The following RTL4 variants were observed in gnomAD, a reference collection of about 807,000 sequenced individuals.
RTL4 encodes retrotransposon Gag-like protein 4.
In RTL4, 4 loss-of-function variants were observed where a neutral mutation model predicts 5.3. The ratio of observed to expected loss-of-function variants is 0.75; its 90% CI spans 0.37 to 1.72. The LOEUF is 1.72. Ranked by LOEUF, RTL4 falls within the 40% of genes most tolerant of loss-of-function variation. RTL4 has a pLI of 0.04. For synonymous variants in RTL4, 98 were observed against 87.3 expected (o/e 1.12, Z -0.68); for missense variants, 260 against 227.1 (o/e 1.14, Z -0.93).
chrX:112,327,138 G>A, the RTL4 span, among the ~76,000 whole-genome samples: 3 of 112,411 alleles, frequency 2.7e-5, no homozygotes, highest in East Asian at 2.8e-4. Context: ...CACCAGCAAC[G>A]GAACAAAGCT....
the RTL4 span, among the ~76,000 whole-genome samples, chrX:112,201,533 G>A: frequency 1.8e-5 from 2 of 110,305 alleles, no homozygotes; most frequent in Non-Finnish European, 3.8e-5. Context: ...CTTGAAATAT[G>A]TCAAGGACCT....
chrX:112,455,731 T>C, exon 1 of RTL4: 1 of 1,002,098 alleles, frequency 1.0e-6, no homozygotes, highest in Non-Finnish European at 1.3e-6. Context: ...GCATTAACTT[T>C]TAAAATACAG....
chrX:112,332,586 A>G, the RTL4 span, among the ~76,000 whole-genome samples: 1 of 107,399 alleles, frequency 9.3e-6, no homozygotes, highest in East Asian at 3.0e-4. Context: ...CAAGGACAAA[A>G]AACCAAACAT....
chrX:112,317,525 T>C, the RTL4 span, among the ~76,000 whole-genome samples: 1 of 111,303 alleles, frequency 9.0e-6, no homozygotes. Context: ...TTTTGAGTGT[T>C]TGTAGACCAT....
the RTL4 span, among the ~76,000 whole-genome samples, chrX:112,153,727 A>G: frequency 9.0e-6 from 1 of 111,688 alleles, no homozygotes. Context: ...ATATTTTTAC[A>G]CAAAAAATAG....
the RTL4 span, among the ~76,000 whole-genome samples, chrX:112,207,827 T>G: frequency 1.8e-5 from 2 of 110,669 alleles, no homozygotes; most frequent in African/African-American, 6.6e-5. Context: ...AAGCACAGCT[T>G]GAGCCACTGG....
At chrX:112,099,187 A>C in the RTL4 span, among the ~76,000 whole-genome samples, 1 of 112,109 alleles carries the variant, frequency 8.9e-6, no homozygotes. Flanking sequence ...CAAATTTACC[A>C]GAAAAAAACA....
At chrX:112,310,803 A>C in the RTL4 span, among the ~76,000 whole-genome samples, 7 of 85,107 alleles carry the variant, frequency 8.2e-5, no homozygotes, top group East Asian at 2.4e-3. Context: ...ATATAATTCT[A>C]TATTATATAT....
chrX:112,208,305 C>A, the RTL4 span, among the ~76,000 whole-genome samples: 1 of 111,717 alleles, frequency 9.0e-6, no homozygotes, highest in East Asian at 2.8e-4. Context: ...CAGGAGTAAC[C>A]AGTTCACAAG....
chrX:112,293,715 G>A, the RTL4 span, among the ~76,000 whole-genome samples: 1 of 111,853 alleles, frequency 8.9e-6, no homozygotes, highest in African/African-American at 3.3e-5. Context: ...CCACAAAACT[G>A]TTGCTAAGGT....
At chrX:112,115,187 T>G in the RTL4 span, among the ~76,000 whole-genome samples, 1 of 111,095 alleles carries the variant, frequency 9.0e-6, no homozygotes, top group African/African-American at 3.3e-5. Context: ...TTGCGCTCAC[T>G]GACACAGCAG....
At chrX:112,178,932 G>A in the RTL4 span, among the ~76,000 whole-genome samples, 1 of 112,171 alleles carries the variant, frequency 8.9e-6, no homozygotes, top group African/African-American at 3.2e-5. Flanking sequence ...GTCCTCTTGG[G>A]TTTCTGGTCT....
chrX:112,152,421 T>C, the RTL4 span, among the ~76,000 whole-genome samples: 1 of 111,973 alleles, frequency 8.9e-6, no homozygotes, highest in East Asian at 2.8e-4. Context: ...CACTAGACTG[T>C]AACCTCTATA....
At chrX:112,326,396 G>C in the RTL4 span, among the ~76,000 whole-genome samples, 8 of 111,414 alleles carry the variant, frequency 7.2e-5, no homozygotes, top group Non-Finnish European at 1.5e-4. Context: ...AGTGACAGAC[G>C]GCAACTGGAA....
the RTL4 span, among the ~76,000 whole-genome samples, chrX:112,245,301 G>A: frequency 9.0e-5 from 10 of 111,670 alleles, no homozygotes; most frequent in African/African-American, 2.9e-4. Flanking sequence ...TTCCAGCTCA[G>A]TTCCATTCTC....
the RTL4 span, among the ~76,000 whole-genome samples, chrX:112,214,773 G>GT: frequency 1.1e-4 from 12 of 109,913 alleles, no homozygotes; most frequent in East Asian, 5.7e-4. Flanking sequence ...GATGATTAGT[G>GT]TTTTTTTTGT....
the RTL4 span, among the ~76,000 whole-genome samples, chrX:112,234,644 C>T: frequency 8.9e-6 from 1 of 111,971 alleles, no homozygotes. Context: ...CCTGTACGTG[C>T]TCCTCCCTTT....
At chrX:112,305,843 C>T in the RTL4 span, among the ~76,000 whole-genome samples, 2 of 111,902 alleles carry the variant, frequency 1.8e-5, no homozygotes, top group Middle Eastern at 4.6e-3. Context: ...TGCGAAGCTG[C>T]ACTAGAATTA....
At chrX:112,269,214 A>G in the RTL4 span, among the ~76,000 whole-genome samples, 2 of 112,424 alleles carry the variant, frequency 1.8e-5, no homozygotes, top group African/African-American at 3.2e-5. Flanking sequence ...TCTCCTTTTC[A>G]TGTCCCTTAT....
Sources: allele counts gnomAD v4.1 joint callset (sites outside exome capture counted in the v4.1 genomes callset), GRCh38; gene constraint gnomAD v4.1.1; transcripts MANE v1.5; gene names NCBI Gene and HGNC (gene_info 2026-07-23, HGNC 2026-07-21).